Variants in XXYLT1 observed in about 807,000 individuals in gnomAD.
The protein encoded by XXYLT1 is UDP-xylose:alpha-xyloside alpha-1,3-xylosyltransferase.
A neutral mutation model predicts 28.9 loss-of-function variants in XXYLT1; 20 were observed. The ratio of observed to expected loss-of-function variants is 0.69; its 90% CI spans 0.49 to 1.00. The LOEUF is 1.00. Ranked by LOEUF, XXYLT1 falls within the 50% of genes least tolerant of loss-of-function variation. XXYLT1 has a pLI of 0.00. For missense variants in XXYLT1, 542 were observed against 560.1 expected (o/e 0.97, Z 0.33); for synonymous variants, 257 against 253.8 (o/e 1.01, Z -0.12).
At chr3:195,221,075 T>G (rs1282326603) in intron 2 of XXYLT1, among the ~76,000 whole-genome samples, 1 of 151,618 alleles carries the variant, frequency 6.6e-6, no homozygotes, top group Non-Finnish European at 1.5e-5. Context: ...ACGGCATTCC[T>G]CCCATAACCT....
chr3:195,084,039 A>G (rs1034573996), intron 3 of XXYLT1, among the ~76,000 whole-genome samples: 1 of 152,014 alleles, frequency 6.6e-6, no homozygotes, highest in Non-Finnish European at 1.5e-5. Flanking sequence ...AAAAAAAAAA[A>G]GTGATGTGCT....
chr3:195,146,468 G>A (rs1022348485), intron 3 of XXYLT1, among the ~76,000 whole-genome samples: 1 of 152,200 alleles, frequency 6.6e-6, no homozygotes, highest in Non-Finnish European at 1.5e-5. Flanking sequence ...CCAGACCCAC[G>A]TCCCACTGCA....
chr3:195,205,897 C>T (rs1207462622), intron 2 of XXYLT1, among the ~76,000 whole-genome samples: 2 of 152,094 alleles, frequency 1.3e-5, no homozygotes, highest in South Asian at 2.1e-4. Context: ...AAACAATATC[C>T]TGGTTGTTGT....
At chr3:195,157,774 G>T (rs189043805) in intron 2 of XXYLT1, among the ~76,000 whole-genome samples, 1 of 152,232 alleles carries the variant, frequency 6.6e-6, no homozygotes. Flanking sequence ...GTTCAATGAT[G>T]AAGCAGCGAG....
At position 195,129,502 on chromosome 3, in the gene XXYLT1, G is replaced by A. The variant is rs555160348; in HGVS notation, c.785+26947C>T. Among the ~76,000 whole-genome samples the A allele has an allele frequency of 9.2e-5, 14 of 152,270 alleles. No homozygotes were observed. In the East Asian group the frequency reaches 2.1e-3, roughly 23 times the overall value. ...CGCATATAGTGCGGTCTTCTGTGAC[G>A]GGCTTCTTTCACTCGTCTTAATGCT... is the stretch of plus-strand genomic sequence containing the variant. On this transcript the variant is annotated intron_variant, in intron 3 of 3. Coordinates refer to ENST00000310380, the MANE Select transcript of XXYLT1 (RefSeq NM_152531.5). This position sits in a 1 kb window ranked among gnomAD's most constrained non-coding sequence, Gnocchi z 4.4.
chr3:195,126,165 C>T (rs4645095), intron 3 of XXYLT1, among the ~76,000 whole-genome samples: 54,497 of 151,980 alleles, frequency 0.36, 11,015 homozygotes, highest in East Asian at 0.82. Flanking sequence ...TGAGTTCTAC[C>T]CCTAACACAC....
rs75311566 is a variant in XXYLT1, at chr3:195,122,715, A to C, written c.785+33734T>G. Among the ~76,000 whole-genome samples the C allele has an allele frequency of 6.7e-3, 1,022 of 152,322 alleles. 12 individuals carry two copies. Among genetic ancestry groups the C allele is most frequent in the African/African-American group, 0.023 (947 of 41,576 alleles). ...GGAAGTTTCCAGCTTTTTTGGTTTC[A>C]CATTATTGACGGCACGTAACAAACT... On this transcript the variant is annotated intron_variant, in intron 3 of 3. Transcript: ENST00000310380.
chr3:195,267,492 C>T (rs1431965350), intron 1 of XXYLT1, among the ~76,000 whole-genome samples: 1 of 152,224 alleles, frequency 6.6e-6, no homozygotes, highest in East Asian at 1.9e-4. Context: ...TCCCTTCCAG[C>T]TCTGGCACAG....
intron 3 of XXYLT1, among the ~76,000 whole-genome samples, chr3:195,111,354 G>T (rs1717702347): frequency 6.6e-6 from 1 of 152,152 alleles, no homozygotes; most frequent in African/African-American, 2.4e-5. Context: ...ACATTCTGAG[G>T]GAGTGGTGGT....
chr3:195,230,880 T>C (rs757051006), intron 1 of XXYLT1, among the ~76,000 whole-genome samples: 21 of 152,224 alleles, frequency 1.4e-4, no homozygotes, highest in Non-Finnish European at 1.9e-4. Context: ...TGTGGTTCCA[T>C]ATAAATTTTA....
At chr3:195,185,759 G>A (rs1219748067) in intron 2 of XXYLT1, among the ~76,000 whole-genome samples, 2 of 149,012 alleles carry the variant, frequency 1.3e-5, no homozygotes, top group African/African-American at 5.2e-5. Context: ...TCCTTCCTGA[G>A]TGCTTGCAAG....
chr3:195,184,889 C>A (rs942008336), intron 2 of XXYLT1: 3 of 857,232 alleles, frequency 3.5e-6, no homozygotes, highest in Non-Finnish European at 4.2e-6. Flanking sequence ...TAAGTTTGAT[C>A]CCCGCATCAT....
chr3:195,211,348 G>A (rs981784016), intron 2 of XXYLT1, among the ~76,000 whole-genome samples: 1 of 152,144 alleles, frequency 6.6e-6, no homozygotes, highest in African/African-American at 2.4e-5. Flanking sequence ...AGCCAAGATC[G>A]AGCCTCTGCA....
At chr3:195,266,428 A>G (rs1725851719) in intron 1 of XXYLT1, among the ~76,000 whole-genome samples, 1 of 151,972 alleles carries the variant, frequency 6.6e-6, no homozygotes, top group Non-Finnish European at 1.5e-5. Flanking sequence ...CGGGAGGCAG[A>G]GGTTGCAGTG....
chr3:195,204,261 T>G (rs1274229995), intron 2 of XXYLT1, among the ~76,000 whole-genome samples: 1 of 151,586 alleles, frequency 6.6e-6, no homozygotes, highest in East Asian at 1.9e-4. Context: ...AAAACTCGCT[T>G]GAACCCAGGA....
chr3:195,106,291 C>CTCTTGCTGTGTTTTTGAT (rs1560097354), intron 3 of XXYLT1, among the ~76,000 whole-genome samples: 3 of 148,146 alleles, frequency 2.0e-5, no homozygotes, highest in African/African-American at 5.2e-5. Flanking sequence ...GTGTTTTTGA[C>CTCTTGCTGTGTTTTTGAT]GGAGAGATGC....
In XXYLT1 at chr3:195,077,846, G is replaced by A. The variant is rs950695035; in HGVS notation, c.786-7735C>T. Among the ~76,000 whole-genome samples, 8 of 152,072 alleles carry A rather than the reference G, an allele frequency of 5.3e-5. No homozygotes were observed. In the South Asian group the frequency reaches 6.2e-4, roughly 12 times the overall value. ...CCTCAGGATGTGCCATGCCCTTCTC[G>A]AAGGCTTCTCCTGGCCCTCCGCTCC... is the stretch of plus-strand genomic sequence containing the variant. On this transcript the variant is annotated intron_variant, in intron 3 of 3. Transcript: ENST00000310380. The surrounding 1 kb of genome is among the most constrained non-coding windows in gnomAD (Gnocchi z 4.8).
intron 3 of XXYLT1, chr3:195,085,863 AC>A (rs1715698044): frequency 6.6e-6 from 1 of 150,634 alleles, no homozygotes; most frequent in African/African-American, 2.5e-5. Context: ...CTCCTCCCCC[AC>A]CCCGAGGCTA....
At position 195,246,263 on chromosome 3, in the gene XXYLT1, G is replaced by A. The variant is rs914072899; in HGVS notation, c.505-19407C>T. ...GTCCCCAGGAAGACAAGGCTGTCAC[G>A]ACTGGAAGAAAGAAGACCTGCGCAA... On this transcript the variant is annotated intron_variant, in intron 1 of 3. Coordinates refer to ENST00000310380, the MANE Select transcript of XXYLT1 (RefSeq NM_152531.5). 5.3e-5 allele frequency among the ~76,000 whole-genome samples: 8 copies of A among 152,182 alleles called. No homozygotes were observed. The South Asian group carries it at 6.2e-4, about 12-fold the overall frequency.
Sources: allele counts gnomAD v4.1 joint callset (sites outside exome capture counted in the v4.1 genomes callset), GRCh38; gene constraint gnomAD v4.1.1; non-coding constraint Gnocchi (gnomAD v3.1); transcripts MANE v1.5; gene names NCBI Gene and HGNC (gene_info 2026-07-23, HGNC 2026-07-21).